The following SLC27A2 variants were observed in gnomAD, a reference collection of about 807,000 sequenced individuals.
The protein encoded by SLC27A2 is long-chain fatty acid transport protein 2.
In SLC27A2, 54 loss-of-function variants were observed where a neutral mutation model predicts 60.0. The ratio of observed to expected loss-of-function variants is 0.90; its 90% CI spans 0.72 to 1.13. SLC27A2 has a LOEUF of 1.13. Among genes scored for constraint, SLC27A2 ranks in the 50% most tolerant of loss-of-function variants. The pLI, the probability that SLC27A2 is intolerant of heterozygous loss-of-function variation, is 0.00. For synonymous variants in SLC27A2, 297 were observed against 297.6 expected (o/e 1.00, Z 0.02); for missense variants, 739 against 777.6 (o/e 0.95, Z 0.59).
intron 4 of SLC27A2, among the ~76,000 whole-genome samples, chr15:50,208,107 G>T (rs1005028240): frequency 5.3e-5 from 8 of 152,198 alleles, no homozygotes; most frequent in Non-Finnish European, 1.2e-4. Context: ...GGATGCCAGG[G>T]AGGCAACCTC....
chr15:50,236,143 G>A lies in SLC27A2; in HGVS notation c.*47G>A. Reference sequence around the variant, plus strand: ...AACATTTCCAGAAAGAAACTGAATGGACAGCCACTTGATATAATCCAACTT... The same window carrying A: ...AACATTTCCAGAAAGAAACTGAATGAACAGCCACTTGATATAATCCAACTT... On this transcript the variant is annotated 3_prime_UTR_variant, in exon 10 of 10. Transcript: ENST00000267842. 1 of 1,428,186 alleles carries A rather than the reference G, an allele frequency of 7.0e-7. No homozygotes were observed. The highest frequency in any genetic ancestry group is 9.4e-7 in the Non-Finnish European group (1 of 1,059,404). 88.5% of individuals were successfully genotyped at this position (1,428,186 alleles called of 1,614,324 possible).
At chr15:50,187,704 G>T (rs1335222396) in intron 1 of SLC27A2, among the ~76,000 whole-genome samples, 1 of 152,150 alleles carries the variant, frequency 6.6e-6, no homozygotes, top group Non-Finnish European at 1.5e-5. Flanking sequence ...AAACGTTCCA[G>T]ATTACCTTTG....
chr15:50,211,358 G>C (rs966433999), intron 4 of SLC27A2, among the ~76,000 whole-genome samples: 1 of 152,152 alleles, frequency 6.6e-6, no homozygotes, highest in Non-Finnish European at 1.5e-5. Flanking sequence ...GACTTGCTGG[G>C]TGGCTAGACC....
chr15:50,201,818 G>A (rs2045066835), intron 2 of SLC27A2, among the ~76,000 whole-genome samples: 1 of 152,142 alleles, frequency 6.6e-6, no homozygotes, highest in South Asian at 2.1e-4. Context: ...GCCTCCCAAA[G>A]TGTTAGGATT....
intron 1 of SLC27A2, among the ~76,000 whole-genome samples, chr15:50,186,794 A>G (rs986565359): frequency 1.6e-4 from 25 of 152,252 alleles, no homozygotes; most frequent in Admixed American, 2.0e-4. Context: ...TGAATTGCCC[A>G]TGATCAAGTG....
intron 5 of SLC27A2, among the ~76,000 whole-genome samples, chr15:50,223,959 A>G (rs1458738656): frequency 1.3e-5 from 2 of 152,204 alleles, no homozygotes; most frequent in East Asian, 3.9e-4. Flanking sequence ...AGAGGACAGT[A>G]GTTCATGTGC....
At chr15:50,220,176 T>C (rs1184623945) in intron 4 of SLC27A2, among the ~76,000 whole-genome samples, 8 of 152,210 alleles carry the variant, frequency 5.3e-5, no homozygotes, top group Non-Finnish European at 1.0e-4. Context: ...TGAGCTCAGC[T>C]ACCTGCTACT....
rs2045349951 is a variant in SLC27A2, at chr15:50,236,075, T to C, written c.1842T>C (p.Ser614=). Reference sequence around the variant, plus strand: ...CTGAGGACATCTATAATGCCATAAGTGCTAAAACCCTGAAACTCTGAATAT... The same window carrying C: ...CTGAGGACATCTATAATGCCATAAGCGCTAAAACCCTGAAACTCTGAATAT... ...PMTEDIYNAI[S]AKTLKL is the part of the protein sequence containing the mutation. The change falls in exon 10 of 10, where the codon AGT becomes AGC. Residue 614 remains serine (S), a synonymous_variant. Transcript: ENST00000267842. The C allele has an allele frequency of 6.2e-7, 1 of 1,601,710 alleles. No homozygotes were observed.
Position 50,183,994 on chromosome 15 carries a change from C to CTTTTTTTTTTTTT in SLC27A2, c.478+1095_478+1107dup, listed in dbSNP as rs577766814. On this transcript the variant is annotated intron_variant, in intron 1 of 9. Coordinates refer to ENST00000267842, the MANE Select transcript of SLC27A2 (RefSeq NM_003645.4). ...TTCGAAGCCATGCTCTTTCCTACATCTTTTTTTTTTTTTTTTTTGACAGTC... is the reference window on the plus strand; with the variant it reads ...TTCGAAGCCATGCTCTTTCCTACATCTTTTTTTTTTTTTTTTTTTTTTTTTTTTTTTGACAGTC... 2.1e-3 allele frequency among the ~76,000 whole-genome samples: 188 copies of CTTTTTTTTTTTTT among 91,160 alleles called. 18 individuals are homozygous for CTTTTTTTTTTTTT. The highest frequency in any genetic ancestry group is 3.0e-3 in the Non-Finnish European group (142 of 47,462). The allele number at this position is 91,160 out of a possible 152,430, so 59.8% of individuals were successfully genotyped here.
At position 50,207,461 on chromosome 15, in the gene SLC27A2, CA is replaced by C. The variant is rs561530785; in HGVS notation, c.972+2107del. Among the ~76,000 whole-genome samples, 470 of 150,394 alleles carry C rather than the reference CA, an allele frequency of 3.1e-3. 2 individuals carry two copies. Among genetic ancestry groups the C allele is most frequent in the African/African-American group, 0.011 (445 of 41,016 alleles). On this transcript the variant is annotated intron_variant, in intron 4 of 9. Transcript: ENST00000267842. ...GTATAATAAAAGATCAAAGTTATCT[CA>C]AAAAAAAACCTTCAGTTAAAGATTT...
chr15:50,191,487 G>T (rs1286570996), intron 1 of SLC27A2, among the ~76,000 whole-genome samples: 1 of 152,180 alleles, frequency 6.6e-6, no homozygotes, highest in African/African-American at 2.4e-5. Context: ...ACTCTGAAGG[G>T]CATCCCAGGT....
At chr15:50,215,476 A>G (rs1211193116) in intron 4 of SLC27A2, among the ~76,000 whole-genome samples, 1 of 152,174 alleles carries the variant, frequency 6.6e-6, no homozygotes, top group African/African-American at 2.4e-5. Context: ...TAAAATTCAT[A>G]TGGAACCAAA....
At chr15:50,231,886 C>T (rs550088740) in intron 8 of SLC27A2, among the ~76,000 whole-genome samples, 2 of 152,302 alleles carry the variant, frequency 1.3e-5, no homozygotes, top group African/African-American at 4.8e-5. Context: ...ACCAAAGGAA[C>T]CATCAATAGA....
At chr15:50,205,418 G>A in intron 4 of SLC27A2, 55 bp downstream of exon 4, 1 of 1,551,230 alleles carries the variant, frequency 6.4e-7, no homozygotes, top group South Asian at 1.2e-5. Flanking sequence ...GGAAATTCAA[G>A]TCACTTTGGG....
At chr15:50,212,966 C>T (rs1264327546) in intron 4 of SLC27A2, among the ~76,000 whole-genome samples, 3 of 152,150 alleles carry the variant, frequency 2.0e-5, no homozygotes, top group African/African-American at 7.2e-5. Flanking sequence ...TCAATACTAA[C>T]ATTGAATGTA....
chr15:50,214,386 A>C (rs1489095933), intron 4 of SLC27A2, among the ~76,000 whole-genome samples: 1 of 152,172 alleles, frequency 6.6e-6, no homozygotes, highest in Non-Finnish European at 1.5e-5. Context: ...ATTCTACCAG[A>C]TGTTCAAAGA....
chr15:50,204,560 CT>C (rs995861614), intron 3 of SLC27A2, among the ~76,000 whole-genome samples: 4 of 151,918 alleles, frequency 2.6e-5, no homozygotes, highest in East Asian at 1.9e-4. Context: ...AGTGAAACCC[CT>C]TCTCTACTAA....
In SLC27A2 at chr15:50,235,957, A is replaced by G. The variant is rs373916989; in HGVS notation, c.1724A>G (p.Lys575Arg). Reference sequence around the variant, plus strand: ...ATCACTGGAACTTTTAAACACCGCAAAATGACCCTGGTGGAGGAGGGCTTT... The same window carrying G: ...ATCACTGGAACTTTTAAACACCGCAGAATGACCCTGGTGGAGGAGGGCTTT... ...IEITGTFKHR[K>R]MTLVEEGFNP... is the part of the protein sequence containing the mutation. The change falls in exon 10 of 10, where the codon AAA (lysine) becomes AGA (arginine). Residue 575 changes from lysine to arginine, a missense_variant. Transcript: ENST00000267842. 6.2e-6 allele frequency: 10 copies of G among 1,613,672 alleles called. No individual in the cohort carries two copies. The African/African-American group carries it at 1.3e-4, about 22-fold the overall frequency.
At chr15:50,190,617 T>TA (rs10532098) in intron 1 of SLC27A2, among the ~76,000 whole-genome samples, 432 of 148,050 alleles carry the variant, frequency 2.9e-3, no homozygotes, top group African/African-American at 9.9e-3. Context: ...CCTTTTTCCT[T>TA]AAAAAAAAAA....
Sources: gnomAD v4.1 joint callset for allele counts (sites outside exome capture counted in the v4.1 genomes callset) on GRCh38, gnomAD v4.1.1 for gene constraint, MANE v1.5 for transcripts, NCBI Gene and HGNC (gene_info 2026-07-23, HGNC 2026-07-21) for gene names.